ZCWPW1: variants seen among roughly 807,000 people sequenced by gnomAD.
ZCWPW1 encodes zinc finger CW-type PWWP domain protein 1.
In ZCWPW1, 56 loss-of-function variants were observed where a neutral mutation model predicts 81.3. The observed-to-expected ratio is 0.69, with a 90% CI of 0.56 to 0.86. The LOEUF is 0.86. ZCWPW1 is among the 40% of genes least tolerant of loss of function. The pLI, the probability that ZCWPW1 is intolerant of heterozygous loss-of-function variation, is 0.00. For missense variants in ZCWPW1, 650 were observed against 769.8 expected, an observed-to-expected ratio of 0.84 and a Z score of 1.84; for synonymous variants, 250 against 273.7, an observed-to-expected ratio of 0.91 and a Z score of 0.86.
chr7:100,408,941 C>T (rs1444240841), intron 9 of ZCWPW1, among the ~76,000 whole-genome samples: 2 of 151,998 alleles, frequency 1.3e-5, no homozygotes, highest in South Asian at 2.1e-4. Flanking sequence ...CTTGCATGCC[C>T]GCGTGTCTGA....
At chr7:100,405,835 A>G (rs530622689) in intron 12 of ZCWPW1, among the ~76,000 whole-genome samples, 2 of 152,232 alleles carry the variant, frequency 1.3e-5, no homozygotes, top group African/African-American at 4.8e-5. Flanking sequence ...CCATGTTGCC[A>G]GGTGGTCTCA....
At position 100,401,971 on chromosome 7, in the gene ZCWPW1, A is replaced by C; in HGVS notation, c.1545T>G (p.Ser515=). ...GAGGAGCTGTGGATTTCCTGCCTAG[A>C]GATCTCTTCATTATCTTCCTCTGCA... ...RTLQRKIMKR[S]LGRKSTAPPA... The change falls in exon 17 of 18, where the codon TCT becomes TCG. Residue 515 remains serine (S), a synonymous_variant. Coordinates refer to ENST00000684423, the MANE Select transcript of ZCWPW1 (RefSeq NM_001386010.1). 1.2e-6 allele frequency: 2 copies of C among 1,614,120 alleles called. No homozygotes were observed. The highest frequency in any genetic ancestry group is 1.7e-6 in the Non-Finnish European group (2 of 1,180,026).
chr7:100,419,266 C>A, intron 4 of ZCWPW1, 77 bp from the exon 5 acceptor site: 1 of 1,282,006 alleles, frequency 7.8e-7, no homozygotes, highest in South Asian at 1.3e-5. Flanking sequence ...GGGAAGCCTC[C>A]TTCAGATGAG....
intron 2 of ZCWPW1, among the ~76,000 whole-genome samples, chr7:100,422,466 G>T (rs1448270769): frequency 2.0e-5 from 3 of 152,190 alleles, no homozygotes; most frequent in Non-Finnish European, 2.9e-5. Context: ...CAAGCTATTC[G>T]TGACCCACCA....
At chr7:100,409,281 G>T in intron 9 of ZCWPW1, 147 bp downstream of exon 9, 1 of 631,194 alleles carries the variant, frequency 1.6e-6, no homozygotes, top group Non-Finnish European at 2.7e-6. Context: ...ATCTCCATAT[G>T]AGAGGCAGAT....
Position 100,406,650 on chromosome 7 carries a change from T to C in ZCWPW1, c.1173+44A>G, listed in dbSNP as rs1793067030. 6 of 1,556,792 alleles carry C rather than the reference T, an allele frequency of 3.9e-6. No individual in the cohort carries two copies. The East Asian group carries it at 1.4e-4, about 35-fold the overall frequency. ...AAAATGAGGTTTAAGAAAAGGAAGA[T>C]TTTGTTTTCTCTGTATCACAACAGA... On this transcript the variant is annotated intron_variant, in intron 12 of 17. Coordinates refer to ENST00000684423, the MANE Select transcript of ZCWPW1 (RefSeq NM_001386010.1).
chr7:100,419,190 C>T lies in ZCWPW1; in HGVS notation c.283-1G>A. The stretch of plus-strand genomic sequence containing the variant: ...CTGCATTGGTAAGACTTGATTTTTC[C>T]TGCAGAGACAAGGGTAGGGGAGGAA... On this transcript the variant is annotated splice_acceptor_variant, in intron 4 of 17. Coordinates refer to ENST00000684423, the MANE Select transcript of ZCWPW1 (RefSeq NM_001386010.1). LOFTEE classifies it high-confidence loss of function. 1 of 1,612,512 alleles carries T rather than the reference C, an allele frequency of 6.2e-7. No homozygotes were observed.
chr7:100,401,838 T>C, intron 17 of ZCWPW1, 51 bp downstream of exon 17: 5 of 1,545,254 alleles, frequency 3.2e-6, no homozygotes, highest in East Asian at 2.3e-5. Context: ...GGAGGGGAGA[T>C]GCTGACAGGC....
At position 100,402,065 on chromosome 7, in the gene ZCWPW1, A is replaced by C. The variant is rs778821300; in HGVS notation, c.1475-24T>G. 86 of 1,588,038 alleles carry C rather than the reference A, an allele frequency of 5.4e-5. 2 individuals are homozygous for C. Among genetic ancestry groups the C allele is most frequent in the Non-Finnish European group, 2.8e-5 (33 of 1,166,370 alleles). On this transcript the variant is annotated intron_variant, in intron 16 of 17. Coordinates refer to ENST00000684423, the MANE Select transcript of ZCWPW1 (RefSeq NM_001386010.1). ...CCCTAGCCGTGAGGGAAATGCGTTTATTTCTCTCTAAACGACAACTCGGCA... is the reference window on the plus strand; with the variant it reads ...CCCTAGCCGTGAGGGAAATGCGTTTCTTTCTCTCTAAACGACAACTCGGCA...
chr7:100,407,394 A>T (rs966376772), intron 10 of ZCWPW1, 91 bp from the exon 11 acceptor site: 13 of 1,197,108 alleles, frequency 1.1e-5, no homozygotes, highest in Non-Finnish European at 1.4e-5. Context: ...AGAGAAGAGC[A>T]GTATGATTTT....
At chr7:100,402,219 T>G (rs1011185687) in intron 16 of ZCWPW1, 178 bp from the exon 17 acceptor site, 7 of 823,198 alleles carry the variant, frequency 8.5e-6, no homozygotes, top group Non-Finnish European at 1.3e-5. Flanking sequence ...TCTCTTTTTT[T>G]CTTTTATCCC....
intron 4 of ZCWPW1, 59 bp from the exon 5 acceptor site, chr7:100,419,248 A>T: frequency 6.7e-7 from 1 of 1,489,776 alleles, no homozygotes; most frequent in South Asian, 1.2e-5. Context: ...TTCCCCTCTG[A>T]ACAGTCAGGG....
chr7:100,402,406 A>C (rs1403132819), intron 16 of ZCWPW1, 110 bp downstream of exon 16: 2 of 1,215,134 alleles, frequency 1.6e-6, no homozygotes, highest in South Asian at 2.4e-5. Context: ...CTGTTTTCTC[A>C]GGTCCTGGCA....
chr7:100,417,872 GTTTTTGGTTTTTGT>G (rs914907445), intron 5 of ZCWPW1, among the ~76,000 whole-genome samples: 4 of 151,238 alleles, frequency 2.6e-5, no homozygotes, highest in Admixed American at 1.3e-4. Context: ...TGGTTTTTTG[GTTTTTGGTTTTTGT>G]TTTTTGGTTT....
At chr7:100,413,075 ACCTAAT>A (rs1008506982) in intron 8 of ZCWPW1, among the ~76,000 whole-genome samples, 1 of 152,040 alleles carries the variant, frequency 6.6e-6, no homozygotes, top group African/African-American at 2.4e-5. Flanking sequence ...AAAGCCTAAT[ACCTAAT>A]CCTAATACTA....
intron 8 of ZCWPW1, among the ~76,000 whole-genome samples, chr7:100,413,875 C>T (rs1192509554): frequency 2.6e-5 from 4 of 152,054 alleles, no homozygotes; most frequent in Non-Finnish European, 5.9e-5. Flanking sequence ...TGAGCCACTG[C>T]GCCAGGCCTC....
chr7:100,414,621 GC>G (rs2130696684), intron 8 of ZCWPW1, among the ~76,000 whole-genome samples: 1 of 151,916 alleles, frequency 6.6e-6, no homozygotes, highest in South Asian at 2.1e-4. Context: ...TCACTGTGTT[GC>G]CCAAGCTGGT....
intron 8 of ZCWPW1, among the ~76,000 whole-genome samples, chr7:100,413,372 C>T (rs1794607094): frequency 6.6e-6 from 1 of 152,218 alleles, no homozygotes; most frequent in Admixed American, 6.5e-5. Flanking sequence ...CTGGAACATA[C>T]CACACTTTAC....
intron 8 of ZCWPW1, among the ~76,000 whole-genome samples, chr7:100,414,391 G>A (rs1237323423): frequency 2.0e-5 from 3 of 151,982 alleles, no homozygotes; most frequent in Non-Finnish European, 4.4e-5. Context: ...TTTTTGTTTG[G>A]TACAAGCCTG....
Sources: gnomAD v4.1 joint callset for allele counts (sites outside exome capture counted in the v4.1 genomes callset) on GRCh38, gnomAD v4.1.1 for gene constraint, MANE v1.5 for transcripts, NCBI Gene and HGNC (gene_info 2026-07-23, HGNC 2026-07-21) for gene names.